Variants in EXOC6B observed in about 807,000 individuals in gnomAD.
EXOC6B encodes the protein SEC15 homolog B.
In EXOC6B, 54 loss-of-function variants were observed where a neutral mutation model predicts 113.5. That is an observed-to-expected ratio of 0.48 (90% confidence interval 0.38 to 0.60). The LOEUF (loss-of-function observed/expected upper bound fraction) is 0.60. EXOC6B is among the 20% of genes least tolerant of loss of function. The pLI is 0.00. For synonymous variants in EXOC6B, 357 were observed against 339.0 expected (o/e 1.05, Z -0.58); for missense variants, 797 against 977.5 (o/e 0.82, Z 2.46).
chr2:72,265,542 T>C (rs1457333289), intron 20 of EXOC6B, among the ~76,000 whole-genome samples: 4 of 151,922 alleles, frequency 2.6e-5, no homozygotes, highest in Admixed American at 2.0e-4. Context: ...CTGAGAATGA[T>C]GATTTCCAAT....
At chr2:72,676,956 C>T (rs1197057116) in intron 6 of EXOC6B, among the ~76,000 whole-genome samples, 1 of 152,178 alleles carries the variant, frequency 6.6e-6, no homozygotes, top group Non-Finnish European at 1.5e-5. Context: ...AGAACAAAAA[C>T]GTTCTGGACT....
chr2:72,512,397 A>G (rs866234098), intron 11 of EXOC6B, among the ~76,000 whole-genome samples: 15 of 133,386 alleles, frequency 1.1e-4, no homozygotes, highest in African/African-American at 4.5e-4. Flanking sequence ...GGAAGGAAGG[A>G]AGGAAGGAAG....
chr2:72,493,923 T>C (rs1353352137), intron 15 of EXOC6B, among the ~76,000 whole-genome samples: 1 of 152,134 alleles, frequency 6.6e-6, no homozygotes, highest in Non-Finnish European at 1.5e-5. Flanking sequence ...TTTATACAAA[T>C]TGTCTCATGT....
At chr2:72,706,630 C>T (rs1439621908) in intron 6 of EXOC6B, among the ~76,000 whole-genome samples, 1 of 152,154 alleles carries the variant, frequency 6.6e-6, no homozygotes, top group East Asian at 1.9e-4. Context: ...TCAGCTGAAA[C>T]TCTGCCTTGG....
intron 6 of EXOC6B, among the ~76,000 whole-genome samples, chr2:72,711,660 T>A (rs1679279587): frequency 6.6e-6 from 1 of 152,068 alleles, no homozygotes; most frequent in African/African-American, 2.4e-5. Flanking sequence ...ATAGAACAAT[T>A]ATAACCATAT....
intron 20 of EXOC6B, among the ~76,000 whole-genome samples, chr2:72,202,232 A>G (rs1057499887): frequency 6.6e-6 from 1 of 152,264 alleles, no homozygotes; most frequent in African/African-American, 2.4e-5. Flanking sequence ...GAGAGGAGAC[A>G]CAGTAAGTGA....
intron 18 of EXOC6B, among the ~76,000 whole-genome samples, chr2:72,386,715 A>T (rs1156427253): frequency 6.6e-6 from 1 of 152,232 alleles, no homozygotes; most frequent in Non-Finnish European, 1.5e-5. Context: ...AAATGAACAG[A>T]TTTTAACTGC....
At chr2:72,184,041 C>G in intron 21 of EXOC6B, 34 bp downstream of exon 21, 1 of 1,232,324 alleles carries the variant, frequency 8.1e-7, no homozygotes, top group Non-Finnish European at 1.2e-6. Context: ...TGTCTCCCCA[C>G]CTCCCAACAC....
At chr2:72,725,398 A>AT (rs893579724) in intron 5 of EXOC6B, among the ~76,000 whole-genome samples, 135 of 147,774 alleles carry the variant, frequency 9.1e-4, no homozygotes, top group East Asian at 4.1e-3. Context: ...AATAATAAGG[A>AT]TTTTTTTTTT....
At chr2:72,274,534 A>G (rs1326304670) in intron 20 of EXOC6B, among the ~76,000 whole-genome samples, 1 of 152,172 alleles carries the variant, frequency 6.6e-6, no homozygotes, top group Non-Finnish European at 1.5e-5. Flanking sequence ...TCTACAGGAA[A>G]GACAAGAGTA....
intron 7 of EXOC6B, 142 bp from the exon 8 acceptor site, chr2:72,559,663 A>G: frequency 1.6e-6 from 1 of 619,002 alleles, no homozygotes; most frequent in Non-Finnish European, 2.8e-6. Flanking sequence ...AAACAAAAAA[A>G]TAGGTTTCCA....
chr2:72,235,725 G>A (rs1208146273), intron 20 of EXOC6B, among the ~76,000 whole-genome samples: 2 of 151,766 alleles, frequency 1.3e-5, no homozygotes, highest in African/African-American at 4.8e-5. Flanking sequence ...TATGCTGCCT[G>A]TTTCATGTGG....
chr2:72,285,639 T>C (rs763068440), intron 20 of EXOC6B, among the ~76,000 whole-genome samples: 3 of 152,090 alleles, frequency 2.0e-5, no homozygotes, highest in Non-Finnish European at 4.4e-5. Context: ...ATTTATAAGC[T>C]GGACTTCATT....
At chr2:72,409,124 C>T (rs1478277701) in intron 18 of EXOC6B, among the ~76,000 whole-genome samples, 10 of 152,160 alleles carry the variant, frequency 6.6e-5, no homozygotes, top group South Asian at 2.1e-4. Context: ...AAATGCTTAT[C>T]ATCACTGGCC....
intron 19 of EXOC6B, among the ~76,000 whole-genome samples, chr2:72,360,113 G>A (rs1230127068): frequency 6.6e-6 from 1 of 151,348 alleles, no homozygotes; most frequent in Admixed American, 6.6e-5. Context: ...TTTCAGATGG[G>A]GTCTTGCTCT....
chr2:72,727,673 G>A (rs548076030), intron 5 of EXOC6B, among the ~76,000 whole-genome samples: 1 of 152,278 alleles, frequency 6.6e-6, no homozygotes, highest in East Asian at 1.9e-4. Context: ...GGTGTGTCAT[G>A]TTAGCAACTT....
chr2:72,404,174 C>T (rs1252337013), intron 18 of EXOC6B, among the ~76,000 whole-genome samples: 1 of 152,186 alleles, frequency 6.6e-6, no homozygotes, highest in East Asian at 1.9e-4. Flanking sequence ...GGGCGCCCAC[C>T]ATTGCCAAGG....
chr2:72,792,006 T>G (rs1684695831), intron 1 of EXOC6B, among the ~76,000 whole-genome samples: 1 of 152,206 alleles, frequency 6.6e-6, no homozygotes, highest in Non-Finnish European at 1.5e-5. Flanking sequence ...TGGAATAAAA[T>G]GGATTAGTTC....
intron 19 of EXOC6B, among the ~76,000 whole-genome samples, chr2:72,337,578 T>A (rs1191645785): frequency 6.6e-6 from 1 of 152,118 alleles, no homozygotes; most frequent in African/African-American, 2.4e-5. Context: ...GTTTTCGGAG[T>A]CACTTTATGG....
Sources: allele counts gnomAD v4.1 joint callset (sites outside exome capture counted in the v4.1 genomes callset), GRCh38; gene constraint gnomAD v4.1.1; transcripts MANE v1.5; gene names NCBI Gene and HGNC (gene_info 2026-07-23, HGNC 2026-07-21).